PCCA: variants seen among roughly 807,000 people sequenced by gnomAD.
PCCA encodes the protein propionyl-CoA carboxylase alpha chain, mitochondrial.
Under a neutral mutation model 101.3 loss-of-function variants are expected in PCCA, and 74 were observed. The observed-to-expected ratio is 0.73, with a 90% confidence interval of 0.61 to 0.89. The LOEUF is 0.89. Ranked by LOEUF, PCCA falls within the 40% of genes least tolerant of loss-of-function variation. The pLI is 0.00. For synonymous variants in PCCA, 294 were observed against 313.6 expected, an observed-to-expected ratio of 0.94 and a Z score of 0.66; for missense variants, 891 against 907.0, an observed-to-expected ratio of 0.98 and a Z score of 0.23.
chr13:100,219,578 AGTTT>A (rs766109686), intron 7 of PCCA, among the ~76,000 whole-genome samples: 4 of 152,206 alleles, frequency 2.6e-5, no homozygotes, highest in Non-Finnish European at 5.9e-5. Flanking sequence ...TCAACTGAGT[AGTTT>A]GTTGATTCCG....
chr13:100,274,460 A>C (rs1422751443), intron 12 of PCCA, among the ~76,000 whole-genome samples: 1 of 152,182 alleles, frequency 6.6e-6, no homozygotes, highest in African/African-American at 2.4e-5. Context: ...ATGATCATTA[A>C]CTATAGCTTA....
rs11459500 is a variant in PCCA at position 100,393,417 on chromosome 13, C to CTTTT, written c.1746+24859_1746+24862dup. 9.4e-4 allele frequency among the ~76,000 whole-genome samples: 107 copies of CTTTT among 113,670 alleles called. 7 individuals are homozygous for CTTTT. The South Asian group carries it at 0.025, about 27-fold the overall frequency. 74.6% of individuals were successfully genotyped at this position (113,670 alleles called of 152,430 possible). ...TGGCTTTTATTAACTACTGAAGAGT[C>CTTTT]TTTTTTTTTTTTTTTTTTTGAGATG... On this transcript the variant is annotated intron_variant, in intron 19 of 23. Transcript: ENST00000376285.
At chr13:100,319,689 G>A (rs1374450802) in intron 16 of PCCA, among the ~76,000 whole-genome samples, 2 of 152,158 alleles carry the variant, frequency 1.3e-5, no homozygotes, top group Admixed American at 1.3e-4. Context: ...TGTTCCATTG[G>A]TCCATATGTC....
intron 15 of PCCA, 51 bp from the exon 16 acceptor site, chr13:100,309,782 C>A: frequency 8.8e-7 from 1 of 1,132,088 alleles, no homozygotes; most frequent in Non-Finnish European, 1.3e-6. Flanking sequence ...AATCATTTAA[C>A]ATAGTTCTAA....
At chr13:100,227,474 A>G (rs191430785) in intron 7 of PCCA, among the ~76,000 whole-genome samples, 2 of 152,252 alleles carry the variant, frequency 1.3e-5, no homozygotes, top group East Asian at 3.9e-4. Context: ...GTTAAATAGT[A>G]CTTTTTACTG....
chr13:100,107,265 G>A (rs1474592403), intron 2 of PCCA, among the ~76,000 whole-genome samples: 1 of 152,122 alleles, frequency 6.6e-6, no homozygotes, highest in African/African-American at 2.4e-5. Context: ...AAGCTAACTT[G>A]TTGTCTTATG....
At chr13:100,261,402 G>C (rs4322518) in intron 9 of PCCA, among the ~76,000 whole-genome samples, 147,972 of 151,482 alleles carry the variant, frequency 0.98, 72,369 homozygotes, top group East Asian at 1. Flanking sequence ...GAGTCTCACT[G>C]TCACCCAGGC....
At chr13:100,351,659 A>G (rs752882607) in intron 18 of PCCA, among the ~76,000 whole-genome samples, 32 of 152,200 alleles carry the variant, frequency 2.1e-4, no homozygotes, top group Admixed American at 1.2e-3. Context: ...CAGTGTGGGC[A>G]TTGTGTGCTT....
At chr13:100,353,878 G>A (rs956361329) in intron 18 of PCCA, among the ~76,000 whole-genome samples, 4 of 151,854 alleles carry the variant, frequency 2.6e-5, no homozygotes, top group East Asian at 1.9e-4. Flanking sequence ...GTTTGAGCCC[G>A]GGAGGCGGAA....
intron 17 of PCCA, among the ~76,000 whole-genome samples, chr13:100,334,352 C>T (rs534769583): frequency 6.6e-6 from 1 of 152,276 alleles, no homozygotes; most frequent in African/African-American, 2.4e-5. Context: ...TTTTCTCCTT[C>T]CCCCACACCC....
Position 100,301,585 on chromosome 13 carries a change from A to G in PCCA, c.1191A>G (p.Glu397=). 1.2e-6 allele frequency: 2 copies of G among 1,614,048 alleles called. No individual in the cohort carries two copies. The highest frequency in any genetic ancestry group is 1.7e-6 in the Non-Finnish European group (2 of 1,179,954). The change falls in exon 13 of 24, where the codon GAA becomes GAG. Residue 397 remains glutamate (E), a synonymous_variant. Transcript: ENST00000376285. ...ADIRINGWAV[E]CRVYAEDPYK... ...TTCGCATCAACGGCTGGGCAGTTGA[A>G]TGTCGGGTTTATGCTGAGGTAAAAT...
chr13:100,441,678 A>G (rs905246904), intron 20 of PCCA, among the ~76,000 whole-genome samples: 1 of 152,232 alleles, frequency 6.6e-6, no homozygotes, highest in African/African-American at 2.4e-5. Context: ...TAAAATAGGA[A>G]AAGGGATGAA....
At chr13:100,325,563 T>G (rs1489687925) in intron 16 of PCCA, among the ~76,000 whole-genome samples, 1 of 152,106 alleles carries the variant, frequency 6.6e-6, no homozygotes, top group Non-Finnish European at 1.5e-5. Flanking sequence ...ACAAGGAACA[T>G]TTCTTAGTAG....
chr13:100,393,499 A>G (rs1595728282), intron 19 of PCCA, among the ~76,000 whole-genome samples: 1 of 148,760 alleles, frequency 6.7e-6, no homozygotes, highest in Non-Finnish European at 1.5e-5. Context: ...GCCCACTGCA[A>G]CCTCTGCCTC....
chr13:100,353,060 A>G (rs2073469442), intron 18 of PCCA, among the ~76,000 whole-genome samples: 2 of 152,220 alleles, frequency 1.3e-5, no homozygotes, highest in Admixed American at 6.5e-5. Flanking sequence ...GGGGTATTTT[A>G]TAATGATAAA....
chr13:100,235,278 GAAA>G (rs554536034), intron 7 of PCCA, among the ~76,000 whole-genome samples: 1 of 116,662 alleles, frequency 8.6e-6, no homozygotes. Flanking sequence ...ATATGTACCT[GAAA>G]AAAAAAAAAA....
chr13:100,094,863 C>T (rs1232206994), intron 1 of PCCA, among the ~76,000 whole-genome samples: 3 of 152,188 alleles, frequency 2.0e-5, no homozygotes, highest in Non-Finnish European at 2.9e-5. Flanking sequence ...GCTGGGATTA[C>T]AGATGTGAGC....
intron 19 of PCCA, among the ~76,000 whole-genome samples, chr13:100,391,031 T>A (rs190338107): frequency 6.6e-6 from 1 of 152,258 alleles, no homozygotes; most frequent in African/African-American, 2.4e-5. Flanking sequence ...TGCTTTTTTT[T>A]TTTTGAAATG....
intron 16 of PCCA, among the ~76,000 whole-genome samples, chr13:100,319,575 C>T (rs1341579450): frequency 6.6e-6 from 1 of 152,186 alleles, no homozygotes; most frequent in African/African-American, 2.4e-5. Context: ...TTTCCCAGCA[C>T]CATTTATTAA....
Sources: gnomAD v4.1 joint callset for allele counts (sites outside exome capture counted in the v4.1 genomes callset) on GRCh38, gnomAD v4.1.1 for gene constraint, MANE v1.5 for transcripts, NCBI Gene and HGNC (gene_info 2026-07-23, HGNC 2026-07-21) for gene names.